RNF213: variants seen among roughly 807,000 people sequenced by gnomAD.
RNF213 encodes the protein ring finger protein 213, also known as E3 ubiquitin-protein ligase RNF213.
A neutral mutation model predicts 514.4 loss-of-function variants in RNF213; 341 were observed. The ratio of observed to expected loss-of-function variants is 0.66; its 90% CI spans 0.61 to 0.73. The LOEUF (loss-of-function observed/expected upper bound fraction) is 0.73. RNF213 is among the 30% of genes least tolerant of loss of function. The pLI is 0.00. For synonymous variants in RNF213, 2,655 were observed against 2,658.2 expected (o/e 1.00, Z 0.04); for missense variants, 5,767 against 6,615.6 (o/e 0.87, Z 4.45).
chr17:80,332,937 C>G (rs1391437744), intron 21 of RNF213, among the ~76,000 whole-genome samples: 2 of 152,150 alleles, frequency 1.3e-5, no homozygotes, highest in Non-Finnish European at 2.9e-5. Context: ...TAGGCTCTCT[C>G]TAGGTTACAG....
At chr17:80,354,723 C>G in intron 36 of RNF213, 147 bp downstream of exon 36, 1 of 1,030,148 alleles carries the variant, frequency 9.7e-7, no homozygotes, top group Admixed American at 2.0e-5. Context: ...AAAGTTTTTC[C>G]CCAAGAAGCA....
chr17:80,289,880 G>C (rs1213062298), intron 6 of RNF213, 43 bp downstream of exon 6: 1 of 1,562,588 alleles, frequency 6.4e-7, no homozygotes, highest in East Asian at 2.3e-5. Context: ...CCCTGCCTGA[G>C]AGCCCGGCAC....
chr17:80,351,939 C>T (rs1251029889), intron 32 of RNF213, 136 bp downstream of exon 32: 1 of 580,196 alleles, frequency 1.7e-6, no homozygotes, highest in East Asian at 3.4e-5. Flanking sequence ...ACTACAACCT[C>T]AATCTCCTGG....
intron 21 of RNF213, 30 bp from the exon 22 acceptor site, chr17:80,334,075 T>C: frequency 6.5e-7 from 1 of 1,536,926 alleles, no homozygotes; most frequent in Non-Finnish European, 8.7e-7. Context: ...GTTAATGAGT[T>C]CCAGTCCACA....
At chr17:80,381,106 T>C in intron 56 of RNF213, 119 bp downstream of exon 56, 2 of 1,027,132 alleles carry the variant, frequency 1.9e-6, no homozygotes, top group Admixed American at 1.7e-5. Context: ...ATAATTAGTC[T>C]ACAAAGTAAT....
At position 80,380,273 on chromosome 17, in the gene RNF213, C is replaced by T. The variant is rs142229648; in HGVS notation, c.13641-558C>T. Among the ~76,000 whole-genome samples, 779 of 152,288 alleles carry T rather than the reference C, an allele frequency of 5.1e-3. 7 individuals are homozygous for T. The highest frequency in any genetic ancestry group is 8.1e-3 in the Non-Finnish European group (552 of 68,014). ...CCTTTCAGAGAGTGAGTGGGACCTG[C>T]GTGGGGGCCTCACATTCTGACTGTT... On this transcript the variant is annotated intron_variant, in intron 55 of 67. Transcript: ENST00000582970.
intron 20 of RNF213, among the ~76,000 whole-genome samples, chr17:80,331,242 C>T (rs1172515054): frequency 2.0e-5 from 3 of 152,220 alleles, no homozygotes; most frequent in Non-Finnish European, 2.9e-5. Flanking sequence ...AACTACTCAG[C>T]TCTCAGTGTT....
At chr17:80,291,979 A>G (rs2044747526) in intron 8 of RNF213, 152 bp downstream of exon 8, 1 of 782,456 alleles carries the variant, frequency 1.3e-6, no homozygotes, top group African/African-American at 1.7e-5. Context: ...CTCCAGGTTC[A>G]GTGACACTGA....
chr17:80,345,751 C>T lies in RNF213; in HGVS notation c.7416C>T (p.Phe2472=), dbSNP rs143772929. Reference sequence around the variant, plus strand: ...TCAGGGAGGCTGAAAATGTGGCCTTCGCCAATAAGGACCAACATCAGTTGG... The same window carrying T: ...TCAGGGAGGCTGAAAATGTGGCCTTTGCCAATAAGGACCAACATCAGTTGG... ...SRVREAENVA[F]ANKDQHQLDT... Residue 2472 remains phenylalanine, a synonymous_variant, in exon 29 of 68, where the codon TTC becomes TTT. Transcript: ENST00000582970. The surrounding 1 kb of genome is among the most constrained non-coding windows in gnomAD (Gnocchi z 6.0). The T allele has an allele frequency of 6.7e-5, 108 of 1,614,210 alleles. No individual in the cohort carries two copies. Among genetic ancestry groups the T allele is most frequent in the African/African-American group, 6.7e-4 (50 of 75,062 alleles).
In RNF213 at chr17:80,306,182, T is replaced by C. The variant is rs1365856544; in HGVS notation, c.2211-70T>C. On this transcript the variant is annotated intron_variant, in intron 11 of 67. Coordinates refer to ENST00000582970, the MANE Select transcript of RNF213 (RefSeq NM_001256071.3). Reference sequence around the variant, plus strand: ...CGGGACTGTTTCTGTCCCTCCAGCATTGGTTTCCTCCATTTTCCCTCACTG... The same window carrying C: ...CGGGACTGTTTCTGTCCCTCCAGCACTGGTTTCCTCCATTTTCCCTCACTG... 3 of 1,428,512 alleles carry C rather than the reference T, an allele frequency of 2.1e-6. No individual in the cohort carries two copies. In the African/African-American group the frequency reaches 4.2e-5, roughly 20 times the overall value. The allele number at this position is 1,428,512 out of a possible 1,614,324, so 88.5% of individuals were successfully genotyped here.
intron 35 of RNF213, 109 bp from the exon 36 acceptor site, chr17:80,354,332 A>T (rs1568119887): frequency 1.9e-6 from 3 of 1,573,868 alleles, no homozygotes; most frequent in Non-Finnish European, 2.6e-6. Flanking sequence ...TTGCTCTAGA[A>T]TTGGCCTGGC....
In RNF213 at chr17:80,264,403, CCT is replaced by C. The variant is rs2043536970; in HGVS notation, c.97+626_97+627del. 6.6e-6 allele frequency among the ~76,000 whole-genome samples: 1 copy of C among 152,078 alleles called. No individual in the cohort carries two copies. The highest frequency in any genetic ancestry group is 1.5e-5 in the Non-Finnish European group (1 of 68,016). On this transcript the variant is annotated intron_variant, in intron 2 of 67. Transcript: ENST00000582970. This position sits in a 1 kb window ranked among gnomAD's most constrained non-coding sequence, Gnocchi z 5.0. ...CAGGAGCGGGGCAGTGTCAGGCGGGCCTTGCCTGCTGAGCATCTTGAGTCCAT... is the reference window on the plus strand; with the variant it reads ...CAGGAGCGGGGCAGTGTCAGGCGGGCTGCCTGCTGAGCATCTTGAGTCCAT...
Position 80,364,553 on chromosome 17 carries a change from G to A in RNF213, c.11871G>A (p.Lys3957=), listed in dbSNP as rs2079183911. ...CCGAGCACGTCTTCTTACTAGACAA[G>A]GTGAGTACTTGGGCTGGCCTCAGCA... ...LVTEHVFLLD[K]CLRENSDVKT... Residue 3957 remains lysine, a splice_region_variant and synonymous_variant, in exon 42 of 68, where the codon AAG becomes AAA. Coordinates refer to ENST00000582970, the MANE Select transcript of RNF213 (RefSeq NM_001256071.3). The A allele has an allele frequency of 1.2e-6, 2 of 1,614,030 alleles. No homozygotes were observed. Among genetic ancestry groups the A allele is most frequent in the African/African-American group, 1.3e-5 (1 of 74,934 alleles).
chr17:80,361,621 A>G (rs2079057628), intron 38 of RNF213, 113 bp from the exon 39 acceptor site: 2 of 1,109,662 alleles, frequency 1.8e-6, no homozygotes, highest in Non-Finnish European at 2.7e-6. Context: ...TTTGTCTACG[A>G]GCTCCCATTC....
At position 80,344,878 on chromosome 17, in the gene RNF213, C is replaced by A; in HGVS notation, c.6543C>A (p.Asp2181Glu). The A allele has an allele frequency of 1.9e-6, 3 of 1,614,186 alleles. No homozygotes were observed. Among genetic ancestry groups the A allele is most frequent in the South Asian group, 1.1e-5 (1 of 91,088 alleles). The change falls in exon 29 of 68, where the codon GAC (aspartate) becomes GAA (glutamate). Residue 2181 changes from aspartate (D) to glutamate (E), a missense_variant. This residue lies in a region of RNF213 where 1,377 missense variants were observed against 1,635.2 expected (regional missense o/e 0.84). Coordinates refer to ENST00000582970, the MANE Select transcript of RNF213 (RefSeq NM_001256071.3). ...GATTCAATCAAAACCAAGACCTAGA[C>A]ACGTTTCAGTATCAAGAAGGCTCTG... is the stretch of plus-strand genomic sequence containing the variant. ...LRRFNQNQDL[D>E]TFQYQEGSVE...
intron 30 of RNF213, 115 bp downstream of exon 30, chr17:80,350,021 A>G (rs2078449170): frequency 5.2e-6 from 6 of 1,148,196 alleles, no homozygotes; most frequent in Non-Finnish European, 7.7e-6. Flanking sequence ...GTGACTGTGA[A>G]ATAGATCCTT....
At chr17:80,307,976 T>C (rs533101080) in intron 13 of RNF213, among the ~76,000 whole-genome samples, 1 of 152,088 alleles carries the variant, frequency 6.6e-6, no homozygotes, top group Non-Finnish European at 1.5e-5. Flanking sequence ...GTCATGATAC[T>C]GCATATGCCT....
chr17:80,319,857 A>C (rs559650500), intron 17 of RNF213: 436 of 1,163,416 alleles, frequency 3.7e-4, no homozygotes, highest in Non-Finnish European at 4.4e-4. Flanking sequence ...CCCTGCTCAC[A>C]TTTCCTAATT....
intron 19 of RNF213, 36 bp from the exon 20 acceptor site, chr17:80,328,292 G>A: frequency 6.6e-7 from 1 of 1,522,812 alleles, no homozygotes; most frequent in African/African-American, 1.4e-5. Flanking sequence ...ATTTGTTGCT[G>A]TATTGGGTTA....
Sources: allele counts gnomAD v4.1 joint callset (sites outside exome capture counted in the v4.1 genomes callset), GRCh38; gene constraint gnomAD v4.1.1; regional missense constraint gnomAD v4.1.1; non-coding constraint Gnocchi (gnomAD v3.1); transcripts MANE v1.5; gene names NCBI Gene and HGNC (gene_info 2026-07-23, HGNC 2026-07-21).